DOCK3: variants seen among roughly 807,000 people sequenced by gnomAD.
The protein encoded by DOCK3 is dedicator of cytokinesis protein 3.
A neutral mutation model predicts 265.6 loss-of-function variants in DOCK3; 60 were observed. The ratio of observed to expected loss-of-function variants is 0.23; its 90% CI spans 0.18 to 0.28. The LOEUF (loss-of-function observed/expected upper bound fraction) is 0.28, where lower values mean the gene tolerates loss of function less well. Among genes scored for constraint, DOCK3 ranks in the 10% least tolerant of loss-of-function variants. The pLI is 1.00. For synonymous variants in DOCK3, 881 were observed against 938.0 expected (o/e 0.94, Z 1.11); for missense variants, 1,981 against 2,594.3 (o/e 0.76, Z 5.14).
intron 5 of DOCK3, among the ~76,000 whole-genome samples, chr3:51,036,623 T>G (rs1358164557): frequency 1.3e-5 from 2 of 152,208 alleles, no homozygotes; most frequent in Admixed American, 6.5e-5. Context: ...TTAGCTCTCT[T>G]TCCAGCTAAG....
chr3:51,133,647 A>G (rs923157302), intron 9 of DOCK3, among the ~76,000 whole-genome samples: 7 of 152,190 alleles, frequency 4.6e-5, no homozygotes, highest in African/African-American at 1.7e-4. Flanking sequence ...TCTTTATAGT[A>G]GCATGATTTA....
At chr3:50,898,217 G>A (rs2048986261) in intron 4 of DOCK3, among the ~76,000 whole-genome samples, 2 of 151,440 alleles carry the variant, frequency 1.3e-5, no homozygotes, top group South Asian at 4.2e-4. Context: ...GAGGGTGTAT[G>A]TGTCCAGAAA....
chr3:51,141,577 A>G (rs766813382), intron 9 of DOCK3, among the ~76,000 whole-genome samples: 3 of 152,166 alleles, frequency 2.0e-5, no homozygotes, highest in Non-Finnish European at 4.4e-5. Flanking sequence ...TTGAAATACT[A>G]TTCTTTTCTC....
chr3:51,103,034 C>G (rs2109748792), intron 9 of DOCK3, among the ~76,000 whole-genome samples: 1 of 152,220 alleles, frequency 6.6e-6, no homozygotes, highest in African/African-American at 2.4e-5. Flanking sequence ...GCAGGAAAGC[C>G]ACAATACACT....
At chr3:50,971,576 TG>T (rs1201420975) in intron 5 of DOCK3, among the ~76,000 whole-genome samples, 1 of 152,322 alleles carries the variant, frequency 6.6e-6, no homozygotes. Flanking sequence ...CCTGGTGCTG[TG>T]CACTTGTGTC....
At position 50,874,042 on chromosome 3, in the gene DOCK3, G is replaced by GT. The variant is rs869155239; in HGVS notation, c.163-15971dup. The stretch of plus-strand genomic sequence containing the variant: ...CCTGAGTTTTGGTTTTCATGAAGGT[G>GT]TTTTTTTTTTTTTCTTTTCTTTTGT... On this transcript the variant is annotated intron_variant, in intron 3 of 52. Coordinates refer to ENST00000266037, the MANE Select transcript of DOCK3 (RefSeq NM_004947.5). Among the ~76,000 whole-genome samples, 709 of 115,070 alleles carry GT rather than the reference G, an allele frequency of 6.2e-3. 1 individual carries two copies. Among genetic ancestry groups the GT allele is most frequent in the African/African-American group, 0.015 (460 of 30,506 alleles). The allele number at this position is 115,070 out of a possible 152,430, so 75.5% of individuals were successfully genotyped here. A position where few individuals can be genotyped will look rare whatever the true frequency, so the allele number is the denominator to read the frequency against.
At chr3:51,282,089 T>C (rs550157480) in intron 27 of DOCK3, among the ~76,000 whole-genome samples, 1 of 152,176 alleles carries the variant, frequency 6.6e-6, no homozygotes, top group South Asian at 2.1e-4. Context: ...GACCTCACAT[T>C]CTATACCCGA....
At chr3:51,122,056 G>A (rs970916339) in intron 9 of DOCK3, among the ~76,000 whole-genome samples, 1 of 152,106 alleles carries the variant, frequency 6.6e-6, no homozygotes, top group Non-Finnish European at 1.5e-5. Flanking sequence ...AAAACAACAG[G>A]CAAGTTTCCC....
intron 1 of DOCK3, among the ~76,000 whole-genome samples, chr3:50,693,086 T>C (rs1314068116): frequency 6.6e-6 from 1 of 152,222 alleles, no homozygotes; most frequent in African/African-American, 2.4e-5. Flanking sequence ...TTGGTCTATA[T>C]AGTTCTGTCT....
intron 5 of DOCK3, among the ~76,000 whole-genome samples, chr3:51,048,414 T>G (rs147663855): frequency 1.9e-4 from 29 of 152,270 alleles, no homozygotes; most frequent in African/African-American, 5.5e-4. Context: ...TATTGTGGAA[T>G]TTTTTGGACT....
intron 1 of DOCK3, among the ~76,000 whole-genome samples, chr3:50,767,060 C>T (rs2040933055): frequency 1.3e-5 from 2 of 152,110 alleles, no homozygotes; most frequent in South Asian, 4.1e-4. Context: ...TTCTCCCATT[C>T]TGTAGGTTGC....
At chr3:50,905,224 A>T (rs996438072) in intron 4 of DOCK3, among the ~76,000 whole-genome samples, 1 of 152,150 alleles carries the variant, frequency 6.6e-6, no homozygotes, top group African/African-American at 2.4e-5. Context: ...CTTTTGGCTT[A>T]GGATTGTCTT....
intron 49 of DOCK3, among the ~76,000 whole-genome samples, chr3:51,368,946 A>G (rs2087466099): frequency 6.6e-6 from 1 of 152,246 alleles, no homozygotes; most frequent in African/African-American, 2.4e-5. Context: ...GTGGACCTCC[A>G]TCAAACTCCA....
intron 5 of DOCK3, among the ~76,000 whole-genome samples, chr3:51,039,539 T>A (rs969757629): frequency 6.6e-6 from 1 of 152,220 alleles, no homozygotes; most frequent in Non-Finnish European, 1.5e-5. Flanking sequence ...GGCTATTAAG[T>A]GGCATCTTAC....
intron 3 of DOCK3, among the ~76,000 whole-genome samples, chr3:50,859,210 G>GTTTTTTTTTTTTTTTTTTTT: frequency 1.4e-5 from 1 of 69,222 alleles, no homozygotes; most frequent in Non-Finnish European, 2.5e-5. Flanking sequence ...AACTGGTATG[G>GTTTTTTTTTTTTTTTTTTTT]TTTTTTTTTT....
chr3:51,008,403 G>A (rs754605329), intron 5 of DOCK3, among the ~76,000 whole-genome samples: 2 of 152,204 alleles, frequency 1.3e-5, no homozygotes, highest in African/African-American at 2.4e-5. Context: ...GTGAATGGGA[G>A]TTCACTCGTG....
At chr3:50,955,257 A>G (rs772956946) in intron 5 of DOCK3, among the ~76,000 whole-genome samples, 6 of 152,204 alleles carry the variant, frequency 3.9e-5, no homozygotes, top group Non-Finnish European at 1.5e-5. Flanking sequence ...TAGTTCAACC[A>G]TTGTGGAGAG....
At chr3:50,932,179 A>G (rs2051103783) in intron 4 of DOCK3, among the ~76,000 whole-genome samples, 1 of 152,244 alleles carries the variant, frequency 6.6e-6, no homozygotes, top group Non-Finnish European at 1.5e-5. Flanking sequence ...CCATTGCATT[A>G]TTTCAAGGTG....
chr3:51,196,639 T>C (rs957550361), intron 12 of DOCK3, among the ~76,000 whole-genome samples: 2 of 152,250 alleles, frequency 1.3e-5, no homozygotes, highest in Admixed American at 1.3e-4. Context: ...ATTCATGTTC[T>C]GAGATTCTTC....
Sources: gnomAD v4.1 joint callset for allele counts (sites outside exome capture counted in the v4.1 genomes callset) on GRCh38, gnomAD v4.1.1 for gene constraint, MANE v1.5 for transcripts, NCBI Gene and HGNC (gene_info 2026-07-23, HGNC 2026-07-21) for gene names.